STK3: variants seen among roughly 807,000 people sequenced by gnomAD.
STK3 encodes serine/threonine kinase 3.
Under a neutral mutation model 58.0 loss-of-function variants are expected in STK3, and 41 were observed. That is an observed-to-expected ratio of 0.71 (90% CI 0.55 to 0.92). STK3 has a LOEUF of 0.92. STK3 is among the 40% of genes least tolerant of loss of function. The pLI is 0.00. For missense variants in STK3, 479 were observed against 602.7 expected (o/e 0.79, Z 2.15); for synonymous variants, 170 against 191.0 (o/e 0.89, Z 0.91).
chr8:98,614,731 G>A lies in STK3; in HGVS notation c.685-18562C>T, dbSNP rs868736509. Reference sequence around the variant, plus strand: ...CTGGAAAATCGGGTCACTCTCACCCGAATACTGCGCTTTTCAGACCGGCTT... The same window carrying A: ...CTGGAAAATCGGGTCACTCTCACCCAAATACTGCGCTTTTCAGACCGGCTT... On this transcript the variant is annotated intron_variant, in intron 6 of 10. Coordinates refer to ENST00000419617, the MANE Select transcript of STK3 (RefSeq NM_006281.4). Among the ~76,000 whole-genome samples, 5 of 152,270 alleles carry A rather than the reference G, an allele frequency of 3.3e-5. No individual in the cohort carries two copies. The South Asian group carries it at 1.0e-3, about 32-fold the overall frequency.
chr8:98,359,573 T>C, the STK3 span, among the ~76,000 whole-genome samples: 2 of 151,856 alleles, frequency 1.3e-5, no homozygotes, highest in South Asian at 4.2e-4. Context: ...AGTGTTTTCT[T>C]GAATGCTTTC....
At chr8:98,873,667 CTT>C (rs1164158448) in intron 3 of STK3, among the ~76,000 whole-genome samples, 2 of 145,406 alleles carry the variant, frequency 1.4e-5, no homozygotes, top group Admixed American at 6.9e-5. Context: ...GCAACCCCTG[CTT>C]TTTTTTTTTG....
intron 1 of STK3, among the ~76,000 whole-genome samples, chr8:98,941,038 T>C (rs752815494): frequency 1.3e-5 from 2 of 152,138 alleles, no homozygotes; most frequent in Non-Finnish European, 2.9e-5. Flanking sequence ...GGGCAGCTGT[T>C]GGCCAAGCCC....
At chr8:98,451,368 G>A (rs904132133), downstream of STK3, among the ~76,000 whole-genome samples, 1 of 152,080 alleles carries the variant, frequency 6.6e-6, no homozygotes, top group Non-Finnish European at 1.5e-5. Context: ...GTTTGTTGGC[G>A]GAAAGGGCTC....
Position 98,869,083 on chromosome 8 carries a change from GAGAGAA to G in STK3, c.110+14558_110+14563del, listed in dbSNP as rs143229829. ...GGAAGGAAGGAAGGAAGGAAGGAAG[GAGAGAA>G]AGAGAAAATAGAAAAGAAAAGGAGT... On this transcript the variant is annotated intron_variant, in intron 3 of 12. Coordinates refer to the STK3 transcript ENST00000523601. Among the ~76,000 whole-genome samples, 242 of 142,282 alleles carry G rather than the reference GAGAGAA, an allele frequency of 1.7e-3. 2 individuals are homozygous for G. Among genetic ancestry groups the G allele is most frequent in the African/African-American group, 6.3e-3 (224 of 35,412 alleles). The allele number at this position is 142,282 out of a possible 152,430, so 93.3% of individuals were successfully genotyped here. A position where few individuals can be genotyped will look rare whatever the true frequency, so the allele number is the denominator to read the frequency against.
At chr8:98,345,773 C>T in the STK3 span, among the ~76,000 whole-genome samples, 1 of 152,070 alleles carries the variant, frequency 6.6e-6, no homozygotes, top group East Asian at 1.9e-4. Context: ...ATTTTGAGTT[C>T]TTCTATATTT....
At chr8:98,388,495 A>G (rs1817815275), upstream of STK3, among the ~76,000 whole-genome samples, 1 of 152,206 alleles carries the variant, frequency 6.6e-6, no homozygotes, top group Admixed American at 6.5e-5. Flanking sequence ...ACACACCACC[A>G]CTTATGAAGT....
At chr8:98,524,664 T>C (rs1825618097) in intron 10 of STK3, among the ~76,000 whole-genome samples, 1 of 152,210 alleles carries the variant, frequency 6.6e-6, no homozygotes, top group Non-Finnish European at 1.5e-5. Context: ...ACAACCTTGT[T>C]TTCACCTTCT....
chr8:98,361,696 C>A, the STK3 span, among the ~76,000 whole-genome samples: 1 of 152,178 alleles, frequency 6.6e-6, no homozygotes, highest in Non-Finnish European at 1.5e-5. Context: ...AAGCAGCGTA[C>A]CTTGTATAAA....
downstream of STK3, among the ~76,000 whole-genome samples, chr8:98,454,245 T>C (rs1479071166): frequency 6.6e-6 from 1 of 152,208 alleles, no homozygotes; most frequent in Non-Finnish European, 1.5e-5. Flanking sequence ...GTGGTGATGC[T>C]ACTCTTCCTG....
At chr8:98,877,282 T>C (rs1313780669) in intron 3 of STK3, among the ~76,000 whole-genome samples, 1 of 152,182 alleles carries the variant, frequency 6.6e-6, no homozygotes, top group Non-Finnish European at 1.5e-5. Flanking sequence ...TTTAAAATAA[T>C]GGGCAGTCTG....
At chr8:98,635,310 T>C (rs1238424253) in intron 6 of STK3, among the ~76,000 whole-genome samples, 1 of 152,226 alleles carries the variant, frequency 6.6e-6, no homozygotes, top group Non-Finnish European at 1.5e-5. Flanking sequence ...TATATAGCAC[T>C]TATTATGTAT....
chr8:98,923,111 G>C (rs1450851692), intron 1 of STK3, among the ~76,000 whole-genome samples: 4 of 152,102 alleles, frequency 2.6e-5, no homozygotes, highest in Non-Finnish European at 5.9e-5. Flanking sequence ...GTGGAGCCTT[G>C]ATCAAATGGA....
chr8:98,719,884 C>T (rs936167571), intron 4 of STK3, among the ~76,000 whole-genome samples: 2 of 152,224 alleles, frequency 1.3e-5, no homozygotes, highest in Non-Finnish European at 2.9e-5. Context: ...GAAGTTTATA[C>T]AGCCTCTCTT....
chr8:98,472,136 T>C (rs942635426), intron 10 of STK3, among the ~76,000 whole-genome samples: 2 of 152,212 alleles, frequency 1.3e-5, no homozygotes, highest in African/African-American at 4.8e-5. Context: ...GTTTGAACTT[T>C]AAGACATTTA....
chr8:98,747,084 T>G (rs1437931187), intron 4 of STK3, among the ~76,000 whole-genome samples: 6 of 142,396 alleles, frequency 4.2e-5, no homozygotes, highest in Admixed American at 4.2e-4. Context: ...TAACAACATT[T>G]TCACCAAAAA....
At position 98,930,313 on chromosome 8, in the gene STK3, C is replaced by T. The variant is rs556686217; in HGVS notation, c.-79+12065G>A. On this transcript the variant is annotated intron_variant, in intron 1 of 1. Coordinates refer to the STK3 transcript ENST00000519420. ...GGGAGAAGCCAGAAACTGCAGCTGCCGCCCCAGGCCCCCAAACTCCATTCC... is the reference window on the plus strand; with the variant it reads ...GGGAGAAGCCAGAAACTGCAGCTGCTGCCCCAGGCCCCCAAACTCCATTCC... 7.9e-5 allele frequency among the ~76,000 whole-genome samples: 12 copies of T among 152,268 alleles called. 1 individual carries two copies. The highest frequency in any genetic ancestry group is 1.7e-4 in the African/African-American group (7 of 41,544).
intron 3 of STK3, among the ~76,000 whole-genome samples, chr8:98,861,314 C>T (rs1262912510): frequency 6.8e-6 from 1 of 148,062 alleles, no homozygotes; most frequent in East Asian, 2.0e-4. Flanking sequence ...TCACGTCTTG[C>T]AATGTATTCT....
chr8:98,705,404 C>A (rs1825895222), intron 6 of STK3, among the ~76,000 whole-genome samples: 2 of 150,740 alleles, frequency 1.3e-5, no homozygotes, highest in South Asian at 2.1e-4. Context: ...CAGAGTGAGA[C>A]CTTATCTCAA....
Sources: allele counts gnomAD v4.1 joint callset (sites outside exome capture counted in the v4.1 genomes callset), GRCh38; gene constraint gnomAD v4.1.1; transcripts MANE v1.5; gene names NCBI Gene and HGNC (gene_info 2026-07-23, HGNC 2026-07-21).